FN1: variants seen among roughly 807,000 people sequenced by gnomAD.
The protein encoded by FN1 is fibronectin.
In FN1, 106 loss-of-function variants were observed where a neutral mutation model predicts 297.3. The observed-to-expected ratio is 0.36, with a 90% CI of 0.30 to 0.42. The LOEUF (loss-of-function observed/expected upper bound fraction) is 0.42. Among genes scored for constraint, FN1 ranks in the 10% least tolerant of loss-of-function variants. The pLI, the probability that FN1 is intolerant of heterozygous loss-of-function variation, is 1.00. For synonymous variants in FN1, 1,149 were observed against 1,152.6 expected (o/e 1.00, Z 0.06); for missense variants, 2,690 against 3,124.9 (o/e 0.86, Z 3.32).
chr2:215,390,210 G>T (rs773374481), intron 26 of FN1, among the ~76,000 whole-genome samples: 1 of 152,070 alleles, frequency 6.6e-6, no homozygotes. Flanking sequence ...TTGAGACAGG[G>T]TCTCACTCTG....
At chr2:215,397,320 TTCCCTCCC>T (rs887248916) in intron 22 of FN1, 97 bp from the exon 23 acceptor site, 7 of 853,738 alleles carry the variant, frequency 8.2e-6, no homozygotes, top group Non-Finnish European at 1.4e-5. Flanking sequence ...TCCATGCTTC[TTCCCTCCC>T]TCCCTCCCTC....
chr2:215,367,469 C>T (rs1236214334), intron 42 of FN1, among the ~76,000 whole-genome samples: 2 of 152,094 alleles, frequency 1.3e-5, no homozygotes, highest in African/African-American at 2.4e-5. Context: ...GTTTTTGAGT[C>T]TAAATGTTCA....
At chr2:215,427,453 G>A (rs950273998) in intron 6 of FN1, among the ~76,000 whole-genome samples, 1 of 152,098 alleles carries the variant, frequency 6.6e-6, no homozygotes, top group African/African-American at 2.4e-5. Context: ...TCTCTCTTCA[G>A]ATTTTTATGA....
chr2:215,378,023 G>A, intron 35 of FN1, 152 bp downstream of exon 35: 1 of 646,664 alleles, frequency 1.5e-6, no homozygotes, highest in Non-Finnish European at 2.8e-6. Context: ...GCCCGGGTAG[G>A]TCTCAAACTC....
intron 6 of FN1, among the ~76,000 whole-genome samples, chr2:215,426,679 AAC>A (rs2065505974): frequency 6.6e-6 from 1 of 152,150 alleles, no homozygotes; most frequent in Non-Finnish European, 1.5e-5. Flanking sequence ...GATGTAAAGG[AAC>A]ACACAGATTC....
At chr2:215,419,191 T>A in intron 12 of FN1, 51 bp downstream of exon 12, 1 of 1,561,348 alleles carries the variant, frequency 6.4e-7, no homozygotes, top group Non-Finnish European at 8.8e-7. Context: ...CACTGCCCTG[T>A]TGTTATAACC....
At chr2:215,414,537 C>T (rs2063156926) in intron 13 of FN1, 1 of 372,654 alleles carries the variant, frequency 2.7e-6, no homozygotes, top group Admixed American at 4.8e-5. Context: ...CAAGAACAAT[C>T]TTAAGCATTA....
rs191334807 is a variant in FN1, at chr2:215,361,405, C to A, written c.*150G>T. The A allele has an allele frequency of 4.9e-5, 37 of 754,388 alleles. No individual in the cohort carries two copies. Among genetic ancestry groups the A allele is most frequent in the African/African-American group, 4.4e-4 (26 of 58,472 alleles). The allele number at this position is 754,388 out of a possible 1,614,324, so 46.7% of individuals were successfully genotyped here. ...ACTCCCAGGGTGATGCTTGGAGAAG[C>A]TGTGAGTTGAGCTGAAGCTGGAGAA... On this transcript the variant is annotated 3_prime_UTR_variant, in exon 46 of 46. Coordinates refer to ENST00000354785, the MANE Select transcript of FN1 (RefSeq NM_212482.4).
chr2:215,410,230 C>G, intron 13 of FN1, 116 bp from the exon 14 acceptor site: 1 of 1,032,178 alleles, frequency 9.7e-7, no homozygotes, highest in Non-Finnish European at 1.5e-6. Context: ...ACTTAGGCAG[C>G]TCCATTCTAG....
At chr2:215,399,018 C>T (rs1207389190) in intron 21 of FN1, among the ~76,000 whole-genome samples, 2 of 152,204 alleles carry the variant, frequency 1.3e-5, no homozygotes, top group African/African-American at 2.4e-5. Context: ...GCAGCAGCTT[C>T]GTGCTAATGT....
At chr2:215,365,806 ATTTTT>A (rs10577918) in intron 42 of FN1, 176 bp from the exon 43 acceptor site, 11 of 251,968 alleles carry the variant, frequency 4.4e-5, no homozygotes, top group South Asian at 2.1e-4. Flanking sequence ...TTTACTTTTT[ATTTTT>A]TTTTTTTTTT....
At position 215,424,253 on chromosome 2, in the gene FN1, G is replaced by A. The variant is rs2064950569; in HGVS notation, c.1109C>T (p.Thr370Met). Residue 370 changes from threonine to methionine, a missense_variant, in exon 8 of 46, where the codon ACG (threonine) becomes ATG (methionine). Thr to Met is a moderately conservative substitution (Grantham distance 81, BLOSUM62 -1). Coordinates refer to ENST00000354785, the MANE Select transcript of FN1 (RefSeq NM_212482.4). ...CVLPFTYNGR[T>M]FYSCTTEGRQ... ...CCCTTCTGTGGTGCAGGAGTAGAAC[G>A]TCCTGCCATTGTAGGTGAATGGTAA... The A allele has an allele frequency of 7.4e-6, 12 of 1,613,542 alleles. No individual in the cohort carries two copies. The highest frequency in any genetic ancestry group is 2.2e-5 in the South Asian group (2 of 91,080).
At chr2:215,365,376 T>TAAG in intron 43 of FN1, 129 bp downstream of exon 43, 1 of 1,011,964 alleles carries the variant, frequency 9.9e-7, no homozygotes, top group Non-Finnish European at 1.5e-6. Context: ...ATCAAAAGAT[T>TAAG]AAGAAACCCA....
At position 215,384,007 on chromosome 2, in the gene FN1, T is replaced by C. The variant is rs1051149371; in HGVS notation, c.4894+13A>G. 31 of 1,613,424 alleles carry C rather than the reference T, an allele frequency of 1.9e-5. No homozygotes were observed. The highest frequency in any genetic ancestry group is 2.5e-5 in the Non-Finnish European group (29 of 1,179,716). ...AGTAAAAGCTGGTGTCACCCCAGAG[T>C]AGAAGTTTGTACCTGTTCGGTAATT... On this transcript the variant is annotated intron_variant, in intron 30 of 45. Coordinates refer to ENST00000354785, the MANE Select transcript of FN1 (RefSeq NM_212482.4).
chr2:215,412,946 G>A (rs1020739834), intron 13 of FN1, among the ~76,000 whole-genome samples: 5 of 151,688 alleles, frequency 3.3e-5, no homozygotes, highest in African/African-American at 4.8e-5. Context: ...TCTATAGACC[G>A]ATCGCATCAT....
rs2056446230 is a variant in FN1, at chr2:215,372,586, A to C, written c.6248-211T>G. 6.6e-6 allele frequency: 4 copies of C among 602,510 alleles called. No homozygotes were observed. The South Asian group carries it at 7.8e-5, about 12-fold the overall frequency. The allele number at this position is 602,510 out of a possible 1,614,324, so 37.3% of individuals were successfully genotyped here. A position where few individuals can be genotyped will look rare whatever the true frequency, so the allele number is the denominator to read the frequency against. ...GGTTTCTTTATAGTTTAGAAAGAAA[A>C]AAGTGTTAGTATGAATTTATCATAC... On this transcript the variant is annotated intron_variant, in intron 39 of 45. Coordinates refer to ENST00000354785, the MANE Select transcript of FN1 (RefSeq NM_212482.4).
intron 29 of FN1, chr2:215,384,500 T>A (rs565588476): frequency 5.0e-6 from 2 of 399,464 alleles, no homozygotes; most frequent in African/African-American, 4.2e-5. Flanking sequence ...GTGTCCTTTT[T>A]AAAACTTTTA....
chr2:215,434,333 A>G (rs1271891040), intron 2 of FN1, among the ~76,000 whole-genome samples: 1 of 152,226 alleles, frequency 6.6e-6, no homozygotes. Context: ...GTAAGTCCCC[A>G]AAGTGTTTTC....
chr2:215,361,313 CG>C lies in FN1; in HGVS notation c.*241del. 2.0e-6 allele frequency: 1 copy of C among 500,216 alleles called. No individual in the cohort carries two copies. Among genetic ancestry groups the C allele is most frequent in the Non-Finnish European group, 3.6e-6 (1 of 276,788 alleles). 31.0% of individuals were successfully genotyped at this position (500,216 alleles called of 1,614,324 possible). ...GAATCACTTCATTTAAAATACTGAG[CG>C]GTATTGAATACTTCGAAGCAGAACA... is the stretch of plus-strand genomic sequence containing the variant. On this transcript the variant is annotated 3_prime_UTR_variant, in exon 46 of 46. Transcript: ENST00000354785.
Sources: gnomAD v4.1 joint callset for allele counts (sites outside exome capture counted in the v4.1 genomes callset) on GRCh38, gnomAD v4.1.1 for gene constraint, MANE v1.5 for transcripts, NCBI Gene and HGNC (gene_info 2026-07-23, HGNC 2026-07-21) for gene names.